The following SCAI variants were observed in gnomAD, a reference collection of about 807,000 sequenced individuals.
SCAI encodes suppressor of cancer cell invasion, also known as protein SCAI.
In SCAI, 24 loss-of-function variants were observed where a neutral mutation model predicts 92.2. That is an observed-to-expected ratio of 0.26 (90% CI 0.19 to 0.37). The LOEUF (loss-of-function observed/expected upper bound fraction) is 0.37, where lower values mean the gene tolerates loss of function less well. SCAI is among the 10% of genes least tolerant of loss of function. The pLI is 1.00. For missense variants in SCAI, 450 were observed against 736.2 expected, an observed-to-expected ratio of 0.61 and a Z score of 4.50; for synonymous variants, 261 against 258.6, an observed-to-expected ratio of 1.01 and a Z score of -0.09.
intron 2 of SCAI, among the ~76,000 whole-genome samples, chr9:125,065,791 CTG>C (rs1458929628): frequency 4.6e-5 from 7 of 152,138 alleles, no homozygotes; most frequent in African/African-American, 1.4e-4. Context: ...AAATCAATCA[CTG>C]TAATTTATCA....
At chr9:125,039,426 G>C (rs917216787) in intron 3 of SCAI, among the ~76,000 whole-genome samples, 5 of 147,560 alleles carry the variant, frequency 3.4e-5, no homozygotes, top group Non-Finnish European at 7.5e-5. Flanking sequence ...GAAAAAGAAA[G>C]AAATAGCAAT....
intron 3 of SCAI, among the ~76,000 whole-genome samples, chr9:125,038,179 C>T (rs747623895): frequency 6.6e-6 from 1 of 152,032 alleles, no homozygotes; most frequent in Non-Finnish European, 1.5e-5. Context: ...ATCAATTGAG[C>T]CCAGGAGGTC....
chr9:125,046,558 G>C (rs1454966305), intron 3 of SCAI, among the ~76,000 whole-genome samples: 2 of 150,330 alleles, frequency 1.3e-5, no homozygotes, highest in Non-Finnish European at 3.0e-5. Context: ...CTCACGATAG[G>C]GTAGGAGGGG....
chr9:124,962,206 C>T (rs954530266), intron 17 of SCAI, among the ~76,000 whole-genome samples: 1 of 128,762 alleles, frequency 7.8e-6, no homozygotes, highest in African/African-American at 3.0e-5. Context: ...GTCGCCCAGG[C>T]TGGAGTGCAG....
At chr9:124,982,412 CT>C (rs1370540216) in intron 14 of SCAI, among the ~76,000 whole-genome samples, 18 of 152,094 alleles carry the variant, frequency 1.2e-4, no homozygotes, top group African/African-American at 3.6e-4. Context: ...TGGCTCACGT[CT>C]GTAATCGCAG....
At chr9:125,020,072 CAA>C (rs11298022) in intron 7 of SCAI, among the ~76,000 whole-genome samples, 52 of 112,308 alleles carry the variant, frequency 4.6e-4, no homozygotes, top group South Asian at 5.6e-4. Context: ...GACCTTGTCT[CAA>C]AAAAAAAAAA....
chr9:125,094,673 T>G (rs762544790), intron 2 of SCAI, among the ~76,000 whole-genome samples: 1 of 152,152 alleles, frequency 6.6e-6, no homozygotes, highest in Admixed American at 6.5e-5. Context: ...AGCTACTTTT[T>G]GTGTTTTCTA....
intron 3 of SCAI, among the ~76,000 whole-genome samples, chr9:125,033,451 G>C (rs886233824): frequency 6.6e-6 from 1 of 151,764 alleles, no homozygotes; most frequent in Non-Finnish European, 1.5e-5. Context: ...GGAACTAGTA[G>C]AAAATAAGGT....
intron 2 of SCAI, among the ~76,000 whole-genome samples, chr9:125,056,497 C>T (rs1202558692): frequency 1.3e-5 from 2 of 151,948 alleles, no homozygotes; most frequent in Non-Finnish European, 2.9e-5. Flanking sequence ...GAAAATAGAT[C>T]ATCTCCTATC....
At chr9:125,009,609 G>A (rs1211446301) in intron 9 of SCAI, among the ~76,000 whole-genome samples, 1 of 152,176 alleles carries the variant, frequency 6.6e-6, no homozygotes, top group East Asian at 1.9e-4. Context: ...AGAGGAAAAA[G>A]AGCATAGTGG....
intron 3 of SCAI, among the ~76,000 whole-genome samples, chr9:125,041,383 T>C (rs1833315942): frequency 6.6e-6 from 1 of 152,218 alleles, no homozygotes; most frequent in Admixed American, 6.5e-5. Flanking sequence ...GAAGATTGTA[T>C]TATTATGTAC....
chr9:124,956,594 A>C (rs1329045160), intron 17 of SCAI, among the ~76,000 whole-genome samples: 1 of 152,192 alleles, frequency 6.6e-6, no homozygotes, highest in Non-Finnish European at 1.5e-5. Flanking sequence ...TGCAGAAAAA[A>C]GTTTTGCGAA....
At chr9:125,086,555 G>A (rs754493462) in intron 2 of SCAI, among the ~76,000 whole-genome samples, 2 of 152,212 alleles carry the variant, frequency 1.3e-5, no homozygotes, top group South Asian at 2.1e-4. Flanking sequence ...GGTACATGTA[G>A]AATCTATAAG....
At chr9:125,107,660 G>C (rs911965856) in intron 2 of SCAI, among the ~76,000 whole-genome samples, 1 of 152,174 alleles carries the variant, frequency 6.6e-6, no homozygotes, top group Admixed American at 6.5e-5. Context: ...TAGCTACTCA[G>C]GAAGCTGAGG....
Position 124,961,718 on chromosome 9 carries a change from C to G in SCAI, c.1675-8765G>C, listed in dbSNP as rs544102428. Among the ~76,000 whole-genome samples, 12 of 150,726 alleles carry G rather than the reference C, an allele frequency of 8.0e-5. No individual in the cohort carries two copies. In the East Asian group the frequency reaches 2.3e-3, roughly 29 times the overall value. ...CCATAAATGGACAAATATGTCAGAA[C>G]TCAAATATAGCTGACCCCTGAACAA... On this transcript the variant is annotated intron_variant, in intron 17 of 17. Transcript: ENST00000336505.
intron 7 of SCAI, among the ~76,000 whole-genome samples, chr9:125,020,276 G>C (rs1832845669): frequency 6.6e-6 from 1 of 152,124 alleles, no homozygotes; most frequent in South Asian, 2.1e-4. Flanking sequence ...GAGACTTTAT[G>C]CAGACACTCT....
intron 3 of SCAI, among the ~76,000 whole-genome samples, chr9:125,054,336 A>G (rs1180041075): frequency 6.6e-6 from 1 of 152,122 alleles, no homozygotes; most frequent in East Asian, 1.9e-4. Context: ...CTATCTGTGA[A>G]ATAGGTTCAC....
rs541288724 is a variant in SCAI, at chr9:125,057,239, T to A, written c.99-1232A>T. Among the ~76,000 whole-genome samples, 11 of 152,136 alleles carry A rather than the reference T, an allele frequency of 7.2e-5. No homozygotes were observed. The South Asian group carries it at 2.3e-3, about 32-fold the overall frequency. On this transcript the variant is annotated intron_variant, in intron 2 of 17. Transcript: ENST00000336505. ...GATACAGTTGAACAAATAAATAAGC[T>A]AAAATATCAGATTTGGGGTACTCTG...
intron 2 of SCAI, among the ~76,000 whole-genome samples, chr9:125,082,512 C>G (rs1834241961): frequency 6.6e-6 from 1 of 152,160 alleles, no homozygotes; most frequent in Non-Finnish European, 1.5e-5. Flanking sequence ...CTTCCAGACC[C>G]CAGAATGGTA....
Sources: gnomAD v4.1 joint callset for allele counts (sites outside exome capture counted in the v4.1 genomes callset) on GRCh38, gnomAD v4.1.1 for gene constraint, MANE v1.5 for transcripts, NCBI Gene and HGNC (gene_info 2026-07-23, HGNC 2026-07-21) for gene names.